Variants in FOXN3 observed in about 807,000 individuals in gnomAD.
The protein encoded by FOXN3 is forkhead box protein N3.
A neutral mutation model predicts 38.4 loss-of-function variants in FOXN3; 7 were observed. The observed-to-expected ratio is 0.18, with a 90% CI of 0.10 to 0.34. The LOEUF (loss-of-function observed/expected upper bound fraction) is 0.34. FOXN3 is among the 10% of genes least tolerant of loss of function. FOXN3 has a pLI of 1.00. For missense variants in FOXN3, 456 were observed against 613.4 expected, an observed-to-expected ratio of 0.74 and a Z score of 2.71; for synonymous variants, 230 against 242.2, an observed-to-expected ratio of 0.95 and a Z score of 0.47.
At chr14:89,553,573 C>CT (rs1404552748) in intron 1 of FOXN3, among the ~76,000 whole-genome samples, 3 of 152,102 alleles carry the variant, frequency 2.0e-5, no homozygotes, top group Non-Finnish European at 4.4e-5. Context: ...CTCAAGATGT[C>CT]TGACACCCCA....
chr14:89,470,663 T>G (rs1454181229), intron 1 of FOXN3, among the ~76,000 whole-genome samples: 2 of 152,232 alleles, frequency 1.3e-5, no homozygotes, highest in African/African-American at 4.8e-5. Flanking sequence ...ATCTCTTATG[T>G]GGACATGAAT....
At chr14:89,575,244 G>A (rs1895583406) in intron 1 of FOXN3, among the ~76,000 whole-genome samples, 1 of 152,186 alleles carries the variant, frequency 6.6e-6, no homozygotes, top group South Asian at 2.1e-4. Flanking sequence ...TCATAGTTAA[G>A]ATCACTCTAA....
In FOXN3 at chr14:89,162,673, G is replaced by C; in HGVS notation, c.1148C>G (p.Pro383Arg). ...CCCGCTGTCCCCCAGAGAATCCTTG[G>C]GCTCCTTCTGGCTGTGCTTCCTGTC... ...EDDRKHSQKEPKDSLGDSGYA... is the reference protein window; with the variant it reads ...EDDRKHSQKERKDSLGDSGYA... The change falls in exon 6 of 6, where the codon CCC becomes CGC. Residue 383 changes from proline to arginine, a missense_variant. By Grantham distance (103) the Pro-to-Arg change is moderately radical (BLOSUM62 -2). Around this residue, in one of 3 missense-constraint regions of FOXN3, gnomAD observed 386 missense variants for 505.2 expected, o/e 0.76. Transcript: ENST00000557258. The surrounding 1 kb of genome is among the most constrained non-coding windows in gnomAD (Gnocchi z 7.2). 1 of 1,613,948 alleles carries C rather than the reference G, an allele frequency of 6.2e-7. No individual in the cohort carries two copies. The highest frequency in any genetic ancestry group is 8.5e-7 in the Non-Finnish European group (1 of 1,179,968).
intron 1 of FOXN3, among the ~76,000 whole-genome samples, chr14:89,594,553 C>A (rs542973562): frequency 1.3e-5 from 2 of 152,142 alleles, no homozygotes; most frequent in Non-Finnish European, 1.5e-5. Flanking sequence ...CATTTTTCTA[C>A]GGGGCTATTT....
chr14:89,439,245 C>G (rs1442773116), intron 1 of FOXN3, among the ~76,000 whole-genome samples: 1 of 152,124 alleles, frequency 6.6e-6, no homozygotes, highest in African/African-American at 2.4e-5. Flanking sequence ...TAATCCAGAG[C>G]AACTCCATCA....
intron 4 of FOXN3, among the ~76,000 whole-genome samples, chr14:89,198,380 T>C (rs1888151552): frequency 6.6e-6 from 1 of 152,194 alleles, no homozygotes; most frequent in Non-Finnish European, 1.5e-5. Context: ...TTTTGGTATC[T>C]TAGGGGGTCC....
intron 4 of FOXN3, among the ~76,000 whole-genome samples, chr14:89,227,722 T>C (rs1195163009): frequency 1.3e-5 from 2 of 152,108 alleles, no homozygotes; most frequent in South Asian, 2.1e-4. Flanking sequence ...TTACCTTACA[T>C]CACAGAAGGC....
intron 3 of FOXN3, among the ~76,000 whole-genome samples, chr14:89,289,451 T>C (rs1010722176): frequency 6.6e-6 from 1 of 152,176 alleles, no homozygotes; most frequent in Non-Finnish European, 1.5e-5. Flanking sequence ...AAACAGACAC[T>C]GAGCTTGATT....
Position 89,250,819 on chromosome 14 carries a change from T to C in FOXN3, c.745+30131A>G, listed in dbSNP as rs542242672. On this transcript the variant is annotated intron_variant, in intron 4 of 5. Transcript: ENST00000557258. The stretch of plus-strand genomic sequence containing the variant: ...TGCTGTTCTTGTGATGGTGAAAATG[T>C]CTCATGAGATCTGATGGTTTTATAA... Among the ~76,000 whole-genome samples, 5 of 152,322 alleles carry C rather than the reference T, an allele frequency of 3.3e-5. No individual in the cohort carries two copies. The South Asian group carries it at 1.0e-3, about 32-fold the overall frequency.
At chr14:89,296,026 T>G (rs1887029687) in intron 3 of FOXN3, among the ~76,000 whole-genome samples, 1 of 152,160 alleles carries the variant, frequency 6.6e-6, no homozygotes, top group African/African-American at 2.4e-5. Context: ...TGAAAGAAAA[T>G]TATAAATCTC....
rs955571584 is a variant in FOXN3, at chr14:89,463,784, C to CTCTTT, written c.-14-51295_-14-51294insAAAGA. 6.9e-3 allele frequency among the ~76,000 whole-genome samples: 955 copies of CTCTTT among 138,648 alleles called. 10 individuals are homozygous for CTCTTT. The highest frequency in any genetic ancestry group is 0.023 in the African/African-American group (849 of 37,268). 91.0% of individuals were successfully genotyped at this position (138,648 alleles called of 152,430 possible). A position where few individuals can be genotyped will look rare whatever the true frequency, so the allele number is the denominator to read the frequency against. The stretch of plus-strand genomic sequence containing the variant: ...TATGCAGGGGTAGTGGTCTCTCTCT[C>CTCTTT]TTTTTTTTTTTTTTTTTGAGATGGA... On this transcript the variant is annotated intron_variant, in intron 1 of 6. Transcript: ENST00000345097.
At chr14:89,386,013 T>C (rs1475557802) in intron 2 of FOXN3, among the ~76,000 whole-genome samples, 1 of 152,230 alleles carries the variant, frequency 6.6e-6, no homozygotes, top group Non-Finnish European at 1.5e-5. Flanking sequence ...ACAACGGTTC[T>C]ACTCTCCAAC....
intron 2 of FOXN3, among the ~76,000 whole-genome samples, chr14:89,384,541 A>C (rs1040701241): frequency 4.6e-5 from 7 of 152,134 alleles, no homozygotes; most frequent in African/African-American, 1.7e-4. Context: ...CACTTGGAAA[A>C]CTGTTTTTGT....
chr14:89,316,447 C>T (rs1419009664), intron 3 of FOXN3, among the ~76,000 whole-genome samples: 1 of 152,088 alleles, frequency 6.6e-6, no homozygotes, highest in Admixed American at 6.6e-5. Flanking sequence ...CCTCGACCTC[C>T]CAGGCTCAAG....
upstream of FOXN3, chr14:89,417,468 C>CG (rs1197345966): frequency 6.7e-6 from 1 of 149,278 alleles, no homozygotes; most frequent in African/African-American, 2.4e-5. Flanking sequence ...CCCCGCGGGG[C>CG]GGGGGTGACC....
At chr14:89,356,156 G>C (rs1439847938) in intron 2 of FOXN3, among the ~76,000 whole-genome samples, 1 of 152,136 alleles carries the variant, frequency 6.6e-6, no homozygotes, top group African/African-American at 2.4e-5. Context: ...CCAGCACTTT[G>C]GGAGGCCGAG....
At chr14:89,281,212 G>C (rs1182103927) in intron 3 of FOXN3, among the ~76,000 whole-genome samples, 198 bp from the exon 4 acceptor site, 1 of 152,150 alleles carries the variant, frequency 6.6e-6, no homozygotes, top group African/African-American at 2.4e-5. Context: ...ATCTGTGTGA[G>C]TATTCTGCTT....
chr14:89,484,407 C>T lies in FOXN3; in HGVS notation c.-14-71917G>A, dbSNP rs1005622317. Among the ~76,000 whole-genome samples the T allele has an allele frequency of 2.0e-5, 3 of 152,224 alleles. No individual in the cohort carries two copies. The highest frequency in any genetic ancestry group is 4.4e-5 in the Non-Finnish European group (3 of 68,038). On this transcript the variant is annotated intron_variant, in intron 1 of 6. Transcript: ENST00000345097. The surrounding 1 kb of genome is among the most constrained non-coding windows in gnomAD (Gnocchi z 4.0). ...CATAGATAATCCAGAAATGAACAAA[C>T]ATGGCTCTGTTTCAATAACATTTTA...
chr14:89,504,775 C>T (rs1350330956), intron 1 of FOXN3, among the ~76,000 whole-genome samples: 2 of 152,136 alleles, frequency 1.3e-5, no homozygotes, highest in Admixed American at 6.5e-5. Context: ...ACAATCTTAC[C>T]ACTATTACCA....
Sources: allele counts gnomAD v4.1 joint callset (sites outside exome capture counted in the v4.1 genomes callset), GRCh38; gene constraint gnomAD v4.1.1; regional missense constraint gnomAD v4.1.1; non-coding constraint Gnocchi (gnomAD v3.1); transcripts MANE v1.5; gene names NCBI Gene and HGNC (gene_info 2026-07-23, HGNC 2026-07-21).